Variants in ATP2B2 observed in about 807,000 individuals in gnomAD.
The protein encoded by ATP2B2 is ATPase plasma membrane Ca2+ transporting 2.
Under a neutral mutation model 120.0 loss-of-function variants are expected in ATP2B2, and 15 were observed. That is an observed-to-expected ratio of 0.12 (90% CI 0.08 to 0.19). The LOEUF is 0.19. Among genes scored for constraint, ATP2B2 ranks in the 10% least tolerant of loss-of-function variants. ATP2B2 has a pLI of 1.00. For missense variants in ATP2B2, 1,045 were observed against 1,719.8 expected (o/e 0.61, Z 6.94); for synonymous variants, 694 against 700.3 (o/e 0.99, Z 0.14).
rs772485155 is a variant in ATP2B2, at chr3:10,469,963, C to A, written c.-319-20101G>T. Among the ~76,000 whole-genome samples the A allele has an allele frequency of 3.3e-5, 5 of 152,012 alleles. 1 individual carries two copies. In the South Asian group the frequency reaches 1.0e-3, roughly 32 times the overall value. The stretch of plus-strand genomic sequence containing the variant: ...AAGCTCAGATTTCAGGAGCCCAGAC[C>A]CAGGTGAGGGTGTCAGTATATAATA... On this transcript the variant is annotated intron_variant, in intron 1 of 22. Coordinates refer to ENST00000360273, the MANE Select transcript of ATP2B2 (RefSeq NM_001001331.4).
rs944499571 is a variant in ATP2B2, at chr3:10,331,955, T to C, written c.3421-2830A>G. ...GAGTCTGGGATTGATTCACATTCATTTCAGGCTCAAGGTTAAAGACTCACA... is the reference window on the plus strand; with the variant it reads ...GAGTCTGGGATTGATTCACATTCATCTCAGGCTCAAGGTTAAAGACTCACA... On this transcript the variant is annotated intron_variant, in intron 22 of 22. Coordinates refer to ENST00000360273, the MANE Select transcript of ATP2B2 (RefSeq NM_001001331.4). The C allele has an allele frequency of 7.0e-5, 108 of 1,544,530 alleles. No individual in the cohort carries two copies. The Middle Eastern group carries it at 8.3e-4, about 12-fold the overall frequency.
At chr3:10,598,710 G>A (rs1472170387) in intron 2 of ATP2B2, among the ~76,000 whole-genome samples, 1 of 152,214 alleles carries the variant, frequency 6.6e-6, no homozygotes, top group East Asian at 1.9e-4. Context: ...AAGGAAGCGA[G>A]CAAACACATG....
At chr3:10,360,341 TA>T (rs1255141579) in intron 12 of ATP2B2, among the ~76,000 whole-genome samples, 1 of 152,206 alleles carries the variant, frequency 6.6e-6, no homozygotes. Context: ...GATTAGCTTT[TA>T]AAAAAATTAT....
chr3:10,625,372 G>C (rs558766700), intron 1 of ATP2B2, among the ~76,000 whole-genome samples: 29 of 152,300 alleles, frequency 1.9e-4, no homozygotes, highest in African/African-American at 5.5e-4. Context: ...GTGGAGCCAG[G>C]GGGAGGAGTC....
At position 10,379,768 on chromosome 3, in the gene ATP2B2, A is replaced by G. The variant is rs896480048; in HGVS notation, c.1001-484T>C. Among the ~76,000 whole-genome samples the G allele has an allele frequency of 1.0e-4, 15 of 148,426 alleles. 1 individual carries two copies. The highest frequency in any genetic ancestry group is 2.9e-4 in the African/African-American group (12 of 40,968). ...TGCAGTAGAGAGAGGGGAGAGGGGG[A>G]GAGAGAGAGAAAGAGAGACAGAGAG... On this transcript the variant is annotated intron_variant, in intron 8 of 22. Transcript: ENST00000360273.
At chr3:10,493,023 G>GTTCATTCATTCA (rs575814546) in intron 1 of ATP2B2, among the ~76,000 whole-genome samples, 6 of 151,984 alleles carry the variant, frequency 3.9e-5, no homozygotes, top group African/African-American at 1.5e-4. Flanking sequence ...CAATTCATTT[G>GTTCATTCATTCA]TTCATTCATT....
chr3:10,617,872 C>A (rs1022772461), intron 2 of ATP2B2, among the ~76,000 whole-genome samples: 2 of 145,286 alleles, frequency 1.4e-5, no homozygotes, highest in Non-Finnish European at 3.1e-5. Flanking sequence ...ACCTGGCCCC[C>A]ACCAGGTGAT....
rs2062579978 is a variant in ATP2B2, at chr3:10,410,655, C to T, written c.360G>A (p.Gly120=). The change falls in exon 3 of 23, where the codon GGG becomes GGA. Residue 120 remains glycine (G), a synonymous_variant. Transcript: ENST00000360273. Reference sequence around the variant, plus strand: ...CGCCGGGCGGGTGGTAGAAGGACAGCCCCAGGGAGATGATGGCGGCAATCT... The same window carrying T: ...CGCCGGGCGGGTGGTAGAAGGACAGTCCCAGGGAGATGATGGCGGCAATCT... ...ILEIAAIISL[G]LSFYHPPGEG... is the part of the protein sequence containing the mutation. 6.2e-7 allele frequency: 1 copy of T among 1,613,710 alleles called. No homozygotes were observed. The highest frequency in any genetic ancestry group is 8.5e-7 in the Non-Finnish European group (1 of 1,179,704).
At chr3:10,337,664 A>G (rs1275638435) in intron 22 of ATP2B2, among the ~76,000 whole-genome samples, 2 of 152,036 alleles carry the variant, frequency 1.3e-5, no homozygotes, top group Non-Finnish European at 2.9e-5. Context: ...CTTGAGGATG[A>G]CTGACCTTTG....
chr3:10,470,797 C>T (rs1163800628), intron 1 of ATP2B2, among the ~76,000 whole-genome samples: 1 of 152,188 alleles, frequency 6.6e-6, no homozygotes, highest in East Asian at 1.9e-4. Context: ...TCAGCAAGCC[C>T]CAGCACAGAG....
chr3:10,390,498 T>TTGTG (rs61552990), intron 5 of ATP2B2, among the ~76,000 whole-genome samples: 2,173 of 148,276 alleles, frequency 0.015, 49 homozygotes, highest in African/African-American at 0.048. Context: ...GTGCATGCTT[T>TTGTG]TGTGTGTGTG....
At chr3:10,662,031 A>G (rs576551418) in intron 1 of ATP2B2, among the ~76,000 whole-genome samples, 2 of 152,336 alleles carry the variant, frequency 1.3e-5, no homozygotes, top group South Asian at 2.1e-4. Context: ...TGGTGCCGGG[A>G]AAACTGGCTA....
At chr3:10,554,387 A>G (rs879285390) in intron 2 of ATP2B2, among the ~76,000 whole-genome samples, 1 of 152,228 alleles carries the variant, frequency 6.6e-6, no homozygotes, top group Non-Finnish European at 1.5e-5. Context: ...ATGAGGGTGC[A>G]GATGGAGTGA....
intron 1 of ATP2B2, among the ~76,000 whole-genome samples, chr3:10,676,589 A>C (rs966031303): frequency 6.6e-6 from 1 of 152,146 alleles, no homozygotes; most frequent in Non-Finnish European, 1.5e-5. Context: ...TCTGGGAGAC[A>C]ATTTGACTTC....
chr3:10,436,128 C>T (rs2063472950), intron 2 of ATP2B2, among the ~76,000 whole-genome samples: 2 of 152,330 alleles, frequency 1.3e-5, no homozygotes, highest in East Asian at 1.9e-4. Flanking sequence ...TGCCAGCTCA[C>T]ACTTGCTTGT....
intron 1 of ATP2B2, among the ~76,000 whole-genome samples, chr3:10,471,008 C>G (rs1478528190): frequency 6.6e-6 from 1 of 152,182 alleles, no homozygotes; most frequent in Non-Finnish European, 1.5e-5. Context: ...GCCTGGGGGG[C>G]CCTGCGGCAG....
intron 3 of ATP2B2, among the ~76,000 whole-genome samples, chr3:10,529,601 T>C (rs1386898060): frequency 6.6e-6 from 1 of 152,180 alleles, no homozygotes; most frequent in Non-Finnish European, 1.5e-5. Context: ...AACTTAAATA[T>C]CATGAAAGAA....
rs927472700 is a variant in ATP2B2 at position 10,635,667 on chromosome 3, G to A, written c.-459-15706C>T. Among the ~76,000 whole-genome samples the A allele has an allele frequency of 2.0e-5, 3 of 152,210 alleles. No homozygotes were observed. Among genetic ancestry groups the A allele is most frequent in the Non-Finnish European group, 2.9e-5 (2 of 68,034 alleles). On this transcript the variant is annotated intron_variant, in intron 1 of 21. Transcript: ENST00000646379. The surrounding 1 kb of genome is among the most constrained non-coding windows in gnomAD (Gnocchi z 4.3). Reference sequence around the variant, plus strand: ...CCAGGTAGCATTTTGCACGCGACAAGGACGCAGCATCCTCAGGCCTCCTTC... The same window carrying A: ...CCAGGTAGCATTTTGCACGCGACAAAGACGCAGCATCCTCAGGCCTCCTTC...
At position 10,683,664 on chromosome 3, in the gene ATP2B2, C is replaced by A. The variant is rs1369193046; in HGVS notation, c.-460+24251G>T. Reference sequence around the variant, plus strand: ...ATTTATCTCATTTTTTTACCCAAAGCCTTATAGCTAGAAATATATATATAC... The same window carrying A: ...ATTTATCTCATTTTTTTACCCAAAGACTTATAGCTAGAAATATATATATAC... On this transcript the variant is annotated intron_variant, in intron 1 of 21. Transcript: ENST00000646379. 2.7e-5 allele frequency among the ~76,000 whole-genome samples: 4 copies of A among 146,558 alleles called. No homozygotes were observed. In the East Asian group the frequency reaches 8.1e-4, roughly 30 times the overall value.
Sources: gnomAD v4.1 joint callset for allele counts (sites outside exome capture counted in the v4.1 genomes callset) on GRCh38, gnomAD v4.1.1 for gene constraint, Gnocchi (gnomAD v3.1) non-coding constraint, MANE v1.5 for transcripts, NCBI Gene and HGNC (gene_info 2026-07-23, HGNC 2026-07-21) for gene names.